CCSER1: variants seen among roughly 807,000 people sequenced by gnomAD.
CCSER1 encodes serine-rich coiled-coil domain-containing protein 1.
CCSER1 carries 41 observed loss-of-function variants against 82.0 expected under a neutral mutation model. The ratio of observed to expected loss-of-function variants is 0.50; its 90% CI spans 0.39 to 0.65. CCSER1 has a LOEUF of 0.65. CCSER1 is among the 30% of genes least tolerant of loss of function. The pLI, the probability that CCSER1 is intolerant of heterozygous loss-of-function variation, is 0.00. For synonymous variants in CCSER1, 414 were observed against 383.9 expected (o/e 1.08, Z -0.92); for missense variants, 1,119 against 1,064.2 (o/e 1.05, Z -0.72).
At chr4:91,350,669 T>C (rs1748411537) in intron 10 of CCSER1, among the ~76,000 whole-genome samples, 1 of 152,086 alleles carries the variant, frequency 6.6e-6, no homozygotes. Flanking sequence ...AGAACGTTGA[T>C]AGTTTAACAT....
intron 7 of CCSER1, among the ~76,000 whole-genome samples, chr4:90,795,472 C>T (rs1375853976): frequency 2.0e-5 from 3 of 152,114 alleles, no homozygotes; most frequent in African/African-American, 4.8e-5. Context: ...TCTTCCTATT[C>T]GGATGTCCTT....
intron 8 of CCSER1, among the ~76,000 whole-genome samples, chr4:90,881,345 T>C (rs2150073809): frequency 6.6e-6 from 1 of 152,100 alleles, no homozygotes; most frequent in Non-Finnish European, 1.5e-5. Flanking sequence ...GGAAAGAGAT[T>C]TTAAAAGTGA....
chr4:91,040,461 C>T (rs757175639), intron 9 of CCSER1, among the ~76,000 whole-genome samples: 38 of 152,082 alleles, frequency 2.5e-4, no homozygotes, highest in Non-Finnish European at 5.1e-4. Flanking sequence ...ACACTCTATA[C>T]TGAGTGTATA....
intron 3 of CCSER1, among the ~76,000 whole-genome samples, chr4:90,357,819 C>T (rs562836320): frequency 2.1e-4 from 32 of 152,114 alleles, no homozygotes; most frequent in African/African-American, 6.5e-4. Context: ...ATCGTGTCAG[C>T]TTCTTTGCTA....
intron 9 of CCSER1, among the ~76,000 whole-genome samples, chr4:91,052,653 T>C (rs537897109): frequency 6.6e-6 from 1 of 152,126 alleles, no homozygotes; most frequent in South Asian, 2.1e-4. Flanking sequence ...CTGTTTCACA[T>C]AAACCTGTAT....
chr4:90,154,266 G>A (rs201106136), intron 1 of CCSER1, among the ~76,000 whole-genome samples: 7,876 of 106,974 alleles, frequency 0.074, no homozygotes, highest in East Asian at 0.23. Flanking sequence ...GTACCATGCT[G>A]TTTTGGTTAC....
At chr4:90,982,036 A>G (rs1736160125) in intron 9 of CCSER1, among the ~76,000 whole-genome samples, 1 of 151,812 alleles carries the variant, frequency 6.6e-6, no homozygotes, top group South Asian at 2.1e-4. Context: ...AAGTCCAAAT[A>G]TTTCTTAAAG....
intron 9 of CCSER1, among the ~76,000 whole-genome samples, chr4:90,946,748 T>G (rs1024397032): frequency 6.6e-6 from 1 of 152,148 alleles, no homozygotes; most frequent in African/African-American, 2.4e-5. Flanking sequence ...TAAGCAGTCT[T>G]GATTTCAGAT....
intron 8 of CCSER1, among the ~76,000 whole-genome samples, chr4:90,869,623 G>A (rs1580852497): frequency 6.6e-6 from 1 of 151,546 alleles, no homozygotes; most frequent in East Asian, 1.9e-4. Context: ...GCGTTAAGTT[G>A]AGGTCAGGTA....
At chr4:91,545,104 C>T (rs111720320) in intron 10 of CCSER1, among the ~76,000 whole-genome samples, 5,343 of 152,180 alleles carry the variant, frequency 0.035, 196 homozygotes, top group South Asian at 0.16. Flanking sequence ...AGGGAGGCTC[C>T]GTGAGCTTGG....
intron 1 of CCSER1, among the ~76,000 whole-genome samples, chr4:90,227,114 C>T (rs1743313826): frequency 6.6e-6 from 1 of 152,194 alleles, no homozygotes; most frequent in African/African-American, 2.4e-5. Flanking sequence ...CTTTACCTTT[C>T]CTGGTGTTAC....
intron 6 of CCSER1, among the ~76,000 whole-genome samples, chr4:90,705,356 G>A (rs530286755): frequency 3.3e-5 from 5 of 152,300 alleles, no homozygotes; most frequent in East Asian, 1.9e-4. Context: ...AGAGGTACCC[G>A]GCCATGTGAG....
intron 10 of CCSER1, among the ~76,000 whole-genome samples, chr4:91,186,105 G>A (rs1255628233): frequency 2.6e-5 from 4 of 152,254 alleles, no homozygotes; most frequent in Middle Eastern, 6.8e-3. Flanking sequence ...CGCTCGAGGC[G>A]CTGCTTGAAC....
At position 91,449,219 on chromosome 4, in the gene CCSER1, C is replaced by T. The variant is rs138466104; in HGVS notation, c.2218-149353C>T. ...CTCTCACCACAGAATGAGTCACTCA[C>T]TCCTCTATGCTCCTGAAGCAGATGT... On this transcript the variant is annotated intron_variant, in intron 10 of 10. Transcript: ENST00000509176. 4.3e-3 allele frequency among the ~76,000 whole-genome samples: 654 copies of T among 152,132 alleles called. 6 individuals carry two copies. Among genetic ancestry groups the T allele is most frequent in the African/African-American group, 0.015 (635 of 41,546 alleles).
intron 5 of CCSER1, among the ~76,000 whole-genome samples, chr4:90,612,207 T>C (rs1785601512): frequency 6.6e-6 from 1 of 152,158 alleles, no homozygotes; most frequent in African/African-American, 2.4e-5. Flanking sequence ...AGGTAAAATT[T>C]TAGTTTATAG....
intron 5 of CCSER1, among the ~76,000 whole-genome samples, chr4:90,615,635 C>T (rs531231875): frequency 5.9e-5 from 9 of 151,522 alleles, no homozygotes; most frequent in Non-Finnish European, 1.3e-4. Flanking sequence ...TGCTGTAATC[C>T]CATAACGGTT....
chr4:91,000,455 A>G (rs1240965849), intron 9 of CCSER1, among the ~76,000 whole-genome samples: 1 of 152,030 alleles, frequency 6.6e-6, no homozygotes, highest in Non-Finnish European at 1.5e-5. Flanking sequence ...TTCCAATTCT[A>G]TGAAAAATGA....
intron 5 of CCSER1, among the ~76,000 whole-genome samples, chr4:90,491,398 A>G (rs1212685819): frequency 6.6e-6 from 1 of 152,192 alleles, no homozygotes; most frequent in African/African-American, 2.4e-5. Context: ...TTTGCTTATC[A>G]GCTTAAGGAG....
intron 10 of CCSER1, among the ~76,000 whole-genome samples, chr4:91,369,598 A>G (rs1457822750): frequency 6.6e-6 from 1 of 150,520 alleles, no homozygotes; most frequent in East Asian, 2.0e-4. Flanking sequence ...TAGAAGATTG[A>G]CTATCAATTA....
Sources: gnomAD v4.1 joint callset for allele counts (sites outside exome capture counted in the v4.1 genomes callset) on GRCh38, gnomAD v4.1.1 for gene constraint, MANE v1.5 for transcripts, NCBI Gene and HGNC (gene_info 2026-07-23, HGNC 2026-07-21) for gene names.